Variants in GRM5 observed in about 807,000 individuals in gnomAD.
The protein encoded by GRM5 is metabotropic glutamate receptor 5.
In GRM5, 19 loss-of-function variants were observed where a neutral mutation model predicts 83.1. That is an observed-to-expected ratio of 0.23 (90% CI 0.16 to 0.34). The LOEUF is 0.34. GRM5 is among the 10% of genes least tolerant of loss of function. The pLI is 1.00. For synonymous variants in GRM5, 675 were observed against 633.6 expected (o/e 1.07, Z -0.98); for missense variants, 1,160 against 1,588.3 (o/e 0.73, Z 4.58).
chr11:89,027,172 T>C (rs959615475), intron 2 of GRM5, among the ~76,000 whole-genome samples: 3 of 151,986 alleles, frequency 2.0e-5, no homozygotes, highest in African/African-American at 7.3e-5. Context: ...CTCGGCTCAC[T>C]GCAACCTCCG....
At chr11:88,710,060 G>A (rs765628289) in intron 3 of GRM5, among the ~76,000 whole-genome samples, 2 of 152,058 alleles carry the variant, frequency 1.3e-5, no homozygotes, top group Non-Finnish European at 2.9e-5. Flanking sequence ...ACTCCCCCAG[G>A]AGCCGAATTA....
intron 4 of GRM5, among the ~76,000 whole-genome samples, chr11:88,618,838 C>G (rs547511108): frequency 6.6e-6 from 1 of 152,102 alleles, no homozygotes; most frequent in East Asian, 1.9e-4. Flanking sequence ...CTTTGTTCAA[C>G]GATTATTTTT....
chr11:89,032,146 C>T (rs893820274), intron 2 of GRM5, among the ~76,000 whole-genome samples: 1 of 151,866 alleles, frequency 6.6e-6, no homozygotes. Context: ...CAGAAAACTG[C>T]CTGGACACCT....
Position 88,946,597 on chromosome 11 carries a change from A to G in GRM5, c.662-96442T>C, listed in dbSNP as rs865934229. 3.3e-5 allele frequency among the ~76,000 whole-genome samples: 5 copies of G among 152,224 alleles called. No homozygotes were observed. The Middle Eastern group carries it at 0.01, about 311-fold the overall frequency. ...CAAATATTGCATGTTTTCACTTACA[A>G]GTAGGAGCTAAACATTGAGTACCCA... On this transcript the variant is annotated intron_variant, in intron 2 of 9. Coordinates refer to ENST00000305447, the MANE Select transcript of GRM5 (RefSeq NM_001143831.3).
chr11:88,939,165 C>G (rs1385030242), intron 2 of GRM5, among the ~76,000 whole-genome samples: 1 of 151,688 alleles, frequency 6.6e-6, no homozygotes, highest in East Asian at 1.9e-4. Context: ...TTTCTCTTCT[C>G]TTGAGATCAC....
At chr11:88,739,946 A>T (rs1941994431) in intron 3 of GRM5, among the ~76,000 whole-genome samples, 1 of 152,078 alleles carries the variant, frequency 6.6e-6, no homozygotes, top group Admixed American at 6.6e-5. Context: ...TATGTAGATT[A>T]GGCATTTATA....
At chr11:88,985,460 T>C (rs570284039) in intron 2 of GRM5, among the ~76,000 whole-genome samples, 28 of 152,234 alleles carry the variant, frequency 1.8e-4, no homozygotes, top group African/African-American at 5.1e-4. Context: ...TGGATCACAG[T>C]TGAGCTTACC....
intron 3 of GRM5, among the ~76,000 whole-genome samples, chr11:88,753,841 C>T (rs1274590221): frequency 6.6e-6 from 1 of 152,100 alleles, no homozygotes; most frequent in African/African-American, 2.4e-5. Flanking sequence ...ACAATTATGG[C>T]AGAAGATGAA....
chr11:88,822,199 A>G (rs139153964), intron 3 of GRM5, among the ~76,000 whole-genome samples: 14 of 152,312 alleles, frequency 9.2e-5, no homozygotes, highest in African/African-American at 2.6e-4. Flanking sequence ...TTAGTTGGAA[A>G]GAGAATTAAT....
intron 2 of GRM5, among the ~76,000 whole-genome samples, chr11:89,036,067 C>A (rs1049735395): frequency 2.0e-5 from 3 of 151,916 alleles, no homozygotes; most frequent in Non-Finnish European, 4.4e-5. Context: ...AAAAAGAATT[C>A]AAAAGTACTT....
intron 5 of GRM5, among the ~76,000 whole-genome samples, chr11:88,604,386 G>A (rs1285175180): frequency 1.3e-5 from 2 of 152,080 alleles, no homozygotes; most frequent in African/African-American, 2.4e-5. Context: ...GAAAATATCT[G>A]AATATGGGGA....
At chr11:88,727,726 G>A (rs1040114238) in intron 3 of GRM5, among the ~76,000 whole-genome samples, 1 of 152,042 alleles carries the variant, frequency 6.6e-6, no homozygotes, top group Non-Finnish European at 1.5e-5. Context: ...GATTAAGAAA[G>A]TCACTCAAAA....
At chr11:88,627,228 A>G (rs2135265797) in intron 4 of GRM5, among the ~76,000 whole-genome samples, 1 of 152,362 alleles carries the variant, frequency 6.6e-6, no homozygotes, top group East Asian at 1.9e-4. Context: ...CAAATGCCAA[A>G]GCTTGTACAA....
intron 4 of GRM5, among the ~76,000 whole-genome samples, chr11:88,637,283 CAA>C (rs1300959775): frequency 6.6e-6 from 1 of 151,982 alleles, no homozygotes; most frequent in Admixed American, 6.6e-5. Context: ...GCAATGGCAA[CAA>C]AAGACAAAAT....
At position 88,769,560 on chromosome 11, in the gene GRM5, T is replaced by C. The variant is rs556991182; in HGVS notation, c.911+80346A>G. On this transcript the variant is annotated intron_variant, in intron 3 of 9. Coordinates refer to ENST00000305447, the MANE Select transcript of GRM5 (RefSeq NM_001143831.3). ...GAGCCTGGAGCATGTTGTGGTTCCA[T>C]TGGGTAAGGAAGCCCTCACAAAGCA... Among the ~76,000 whole-genome samples the C allele has an allele frequency of 4.2e-4, 64 of 152,084 alleles. 2 individuals carry two copies. The South Asian group carries it at 0.01, about 24-fold the overall frequency.
chr11:88,564,740 G>A (rs751876445), intron 8 of GRM5, among the ~76,000 whole-genome samples: 15 of 152,190 alleles, frequency 9.9e-5, no homozygotes, highest in Non-Finnish European at 1.8e-4. Flanking sequence ...AGGTATTGGA[G>A]GCACAGTGAT....
intron 3 of GRM5, among the ~76,000 whole-genome samples, chr11:88,761,906 C>T (rs1412441003): frequency 1.3e-5 from 2 of 151,840 alleles, no homozygotes; most frequent in Non-Finnish European, 1.5e-5. Context: ...CACTTACAAC[C>T]ATCTGATCTT....
At chr11:88,703,506 G>T (rs1941084359) in intron 3 of GRM5, among the ~76,000 whole-genome samples, 1 of 152,014 alleles carries the variant, frequency 6.6e-6, no homozygotes, top group African/African-American at 2.4e-5. Flanking sequence ...GAAACAAAAG[G>T]TTGGGCAAAT....
chr11:88,863,370 T>C (rs1944602444), intron 2 of GRM5, among the ~76,000 whole-genome samples: 1 of 140,396 alleles, frequency 7.1e-6, no homozygotes, highest in South Asian at 2.3e-4. Context: ...CAAATGTCCA[T>C]CAATGATAGA....
Sources: gnomAD v4.1 joint callset for allele counts (sites outside exome capture counted in the v4.1 genomes callset) on GRCh38, gnomAD v4.1.1 for gene constraint, MANE v1.5 for transcripts, NCBI Gene and HGNC (gene_info 2026-07-23, HGNC 2026-07-21) for gene names.